The following CEP162 variants were observed in gnomAD, a reference collection of about 807,000 sequenced individuals.
CEP162 encodes centrosomal protein of 162 kDa.
A neutral mutation model predicts 169.2 loss-of-function variants in CEP162; 141 were observed. The ratio of observed to expected loss-of-function variants is 0.83; its 90% CI spans 0.73 to 0.96. The LOEUF (loss-of-function observed/expected upper bound fraction) is 0.96. Among genes scored for constraint, CEP162 ranks in the 40% least tolerant of loss-of-function variants. The pLI, the probability that CEP162 is intolerant of heterozygous loss-of-function variation, is 0.00. For missense variants in CEP162, 1,600 were observed against 1,587.2 expected (o/e 1.01, Z -0.14); for synonymous variants, 540 against 526.4 (o/e 1.03, Z -0.35).
chr6:84,154,280 T>C lies in CEP162; in HGVS notation c.2994+1018A>G, dbSNP rs890709304. 5.9e-5 allele frequency among the ~76,000 whole-genome samples: 9 copies of C among 152,138 alleles called. No homozygotes were observed. The South Asian group carries it at 6.2e-4, about 10-fold the overall frequency. ...CACTAATAATAATTATAATCATTAA[T>C]TGTTTGCTAGACTCCAGACATGTTA... On this transcript the variant is annotated intron_variant, in intron 22 of 26. Transcript: ENST00000403245.
intron 25 of CEP162, among the ~76,000 whole-genome samples, chr6:84,130,865 C>T (rs1707892902): frequency 1.3e-5 from 2 of 152,086 alleles, no homozygotes; most frequent in South Asian, 4.1e-4. Flanking sequence ...TTTAGCTCTG[C>T]TCTGATCTTA....
In CEP162 at chr6:84,204,056, T is replaced by C. The variant is rs1365903153; in HGVS notation, c.612A>G (p.Ala204=). ...SDDFEDEYVG[A]PLTTKDEEMP... is the part of the protein sequence containing the mutation. ...TCTCTTCATCTTTAGTAGTCAACGG[T>C]GCACCAACATACTCATCTTCAAAAT... Residue 204 remains alanine, a synonymous_variant, in exon 7 of 27, where the codon GCA becomes GCG. Transcript: ENST00000403245. 6.2e-7 allele frequency: 1 copy of C among 1,609,200 alleles called. No homozygotes were observed. Among genetic ancestry groups the C allele is most frequent in the Non-Finnish European group, 8.5e-7 (1 of 1,177,804 alleles).
chr6:84,174,228 AATG>A (rs2099531371), intron 15 of CEP162, 40 bp from the exon 16 acceptor site: 3 of 1,536,940 alleles, frequency 2.0e-6, no homozygotes, highest in African/African-American at 1.4e-5. Flanking sequence ...TGGGGAAGGA[AATG>A]ATAAGGTGAG....
chr6:84,149,942 T>C (rs775491176), intron 23 of CEP162, among the ~76,000 whole-genome samples: 29 of 132,592 alleles, frequency 2.2e-4, no homozygotes, highest in Non-Finnish European at 2.5e-4. Context: ...TAGTGATATA[T>C]CTCTACTTTA....
chr6:84,199,375 T>A (rs1317606834), intron 9 of CEP162, among the ~76,000 whole-genome samples: 4 of 152,142 alleles, frequency 2.6e-5, no homozygotes, highest in Non-Finnish European at 2.9e-5. Context: ...TAGTGGTGAC[T>A]CTTGGAAAGA....
intron 2 of CEP162, among the ~76,000 whole-genome samples, chr6:84,222,227 G>A (rs1334614591): frequency 6.6e-6 from 1 of 152,064 alleles, no homozygotes; most frequent in Non-Finnish European, 1.5e-5. Context: ...CACAAATAAA[G>A]TACCACTGTC....
chr6:84,153,551 G>C (rs551584221), intron 22 of CEP162, among the ~76,000 whole-genome samples: 1 of 152,266 alleles, frequency 6.6e-6, no homozygotes, highest in South Asian at 2.1e-4. Flanking sequence ...GCAACTGGGG[G>C]CACTGAAGTC....
chr6:84,218,310 G>A (rs962380318), intron 3 of CEP162, among the ~76,000 whole-genome samples: 2 of 152,190 alleles, frequency 1.3e-5, no homozygotes, highest in African/African-American at 4.8e-5. Context: ...GGACCCAGAT[G>A]GTGAGCGTAA....
intron 12 of CEP162, among the ~76,000 whole-genome samples, chr6:84,185,941 T>C (rs931225543): frequency 1.3e-5 from 2 of 152,068 alleles, no homozygotes; most frequent in Non-Finnish European, 2.9e-5. Context: ...ATCAGTAAAA[T>C]GTAAATTTCT....
chr6:84,131,747 G>A (rs2099511574), intron 25 of CEP162, among the ~76,000 whole-genome samples: 1 of 152,010 alleles, frequency 6.6e-6, no homozygotes, highest in Admixed American at 6.6e-5. Context: ...CTCCACATGA[G>A]ATGGGTCTCC....
At chr6:84,210,835 G>A (rs1397147050) in intron 6 of CEP162, among the ~76,000 whole-genome samples, 1 of 152,118 alleles carries the variant, frequency 6.6e-6, no homozygotes, top group African/African-American at 2.4e-5. Flanking sequence ...ATTGGGATGT[G>A]CCTTAGCAGT....
intron 9 of CEP162, among the ~76,000 whole-genome samples, chr6:84,198,483 T>C (rs905956798): frequency 6.6e-6 from 1 of 152,176 alleles, no homozygotes; most frequent in African/African-American, 2.4e-5. Context: ...TTTCACCATG[T>C]TGGTCAGGCT....
intron 21 of CEP162, among the ~76,000 whole-genome samples, chr6:84,157,853 A>T (rs2099523856): frequency 6.6e-6 from 1 of 152,178 alleles, no homozygotes; most frequent in African/African-American, 2.4e-5. Context: ...CTTCCTAAGC[A>T]CCTGACTCTG....
At position 84,174,851 on chromosome 6, in the gene CEP162, T is replaced by G. The variant is rs777742593; in HGVS notation, c.1901A>C (p.Glu634Ala). The change falls in exon 15 of 27, where the codon GAG (glutamate) becomes GCG (alanine). Residue 634 changes from glutamate (E) to alanine (A), a missense_variant. Physicochemically the swap from Glu to Ala is moderately radical, Grantham distance 107 (BLOSUM62 -1). Transcript: ENST00000403245. Reference sequence around the variant, plus strand: ...TTCTGAGAATGTGGCTTTAATTTGCTCAATTAGGGCTTGCGCACCCCTCCA... The same window carrying G: ...TTCTGAGAATGTGGCTTTAATTTGCGCAATTAGGGCTTGCGCACCCCTCCA... The part of the protein sequence containing the change: ...DKWRGAQALI[E>A]QIKATFSEKE... The G allele has an allele frequency of 6.2e-7, 1 of 1,609,964 alleles. No homozygotes were observed. The highest frequency in any genetic ancestry group is 8.5e-7 in the Non-Finnish European group (1 of 1,177,512).
At chr6:84,159,379 T>C (rs2099524534) in intron 21 of CEP162, among the ~76,000 whole-genome samples, 3 of 150,242 alleles carry the variant, frequency 2.0e-5, no homozygotes, top group African/African-American at 4.9e-5. Flanking sequence ...AATAAAGAAG[T>C]AGCTCCTTTG....
rs369239644 is a variant in CEP162, at chr6:84,182,992, A to G, written c.1663+2195T>C. Among the ~76,000 whole-genome samples, 9 of 152,282 alleles carry G rather than the reference A, an allele frequency of 5.9e-5. No homozygotes were observed. In the East Asian group the frequency reaches 1.4e-3, roughly 23 times the overall value. ...AAGTAACCACTATCCCAAAGGAATT[A>G]TAGTTCCTCTGAATAAAACTAAAAC... On this transcript the variant is annotated intron_variant, in intron 13 of 26. Transcript: ENST00000403245.
At chr6:84,211,256 T>TAA (rs2099549301) in intron 6 of CEP162, among the ~76,000 whole-genome samples, 1 of 149,608 alleles carries the variant, frequency 6.7e-6, no homozygotes, top group Non-Finnish European at 1.5e-5. Flanking sequence ...GGGCCAGGCA[T>TAA]GGTGGCTCAT....
At chr6:84,219,150 A>C in intron 3 of CEP162, 3 of 1,290,186 alleles carry the variant, frequency 2.3e-6, no homozygotes, top group Non-Finnish European at 3.1e-6. Context: ...GGAGTGTTGA[A>C]TTCTCCCTCA....
At chr6:84,174,254 A>G (rs964936368) in intron 15 of CEP162, 66 bp from the exon 16 acceptor site, 14 of 1,294,852 alleles carry the variant, frequency 1.1e-5, no homozygotes, top group South Asian at 6.9e-5. Context: ...GTGAGAAAGA[A>G]TAACAGGAAA....
Sources: gnomAD v4.1 joint callset for allele counts (sites outside exome capture counted in the v4.1 genomes callset) on GRCh38, gnomAD v4.1.1 for gene constraint, MANE v1.5 for transcripts, NCBI Gene and HGNC (gene_info 2026-07-23, HGNC 2026-07-21) for gene names.